Variants in COL2A1 observed in about 807,000 individuals in gnomAD.
The protein encoded by COL2A1 is collagen type II alpha 1 chain.
Under a neutral mutation model 204.5 loss-of-function variants are expected in COL2A1, and 28 were observed. That is an observed-to-expected ratio of 0.14 (90% CI 0.10 to 0.19). The LOEUF (loss-of-function observed/expected upper bound fraction) is 0.19. Ranked by LOEUF, COL2A1 falls within the 10% of genes least tolerant of loss-of-function variation. The pLI is 1.00. For missense variants in COL2A1, 1,388 were observed against 2,027.5 expected, an observed-to-expected ratio of 0.68 and a Z score of 6.06; for synonymous variants, 708 against 718.7, an observed-to-expected ratio of 0.99 and a Z score of 0.24.
chr12:47,989,662 G>A, intron 17 of COL2A1, 99 bp downstream of exon 17: 1 of 993,536 alleles, frequency 1.0e-6, no homozygotes, highest in Non-Finnish European at 1.6e-6. Flanking sequence ...TCAGAGTGCT[G>A]CTGTGGTTGC....
chr12:47,999,819 G>A (rs1464766467), intron 2 of COL2A1, 100 bp downstream of exon 2: 2 of 1,024,670 alleles, frequency 2.0e-6, no homozygotes, highest in African/African-American at 1.6e-5. Flanking sequence ...TGGATAACTA[G>A]CCCCTCTGCT....
Position 47,986,027 on chromosome 12 carries a change from G to A in COL2A1, c.1528-62C>T, listed in dbSNP as rs3829734. On this transcript the variant is annotated intron_variant, in intron 23 of 53. Coordinates refer to ENST00000380518, the MANE Select transcript of COL2A1 (RefSeq NM_001844.5). ...ACAGCCCCAACCCAGCCAGGCTCCAGTGGGTCCATCCCACTAACCCACCAA... is the reference window on the plus strand; with the variant it reads ...ACAGCCCCAACCCAGCCAGGCTCCAATGGGTCCATCCCACTAACCCACCAA... 482,478 of 1,494,046 alleles carry A rather than the reference G, an allele frequency of 0.32. 80,693 individuals are homozygous for A. Among genetic ancestry groups the A allele is most frequent in the East Asian group, 0.54 (21,733 of 40,610 alleles). The allele number at this position is 1,494,046 out of a possible 1,614,324, so 92.5% of individuals were successfully genotyped here.
In COL2A1 at chr12:47,983,422, G is replaced by A. The variant is rs779859256; in HGVS notation, c.2012C>T (p.Pro671Leu). The A allele has an allele frequency of 6.2e-7, 1 of 1,614,144 alleles. No homozygotes were observed. The highest frequency in any genetic ancestry group is 1.1e-5 in the South Asian group (1 of 91,078). The change falls in exon 31 of 54, where the codon CCT becomes CTT. Residue 671 changes from proline to leucine, a missense_variant. Physicochemically the swap from Pro to Leu is moderately conservative, Grantham distance 98 (BLOSUM62 -3). Around this residue, in one of 3 missense-constraint regions of COL2A1, gnomAD observed 884 missense variants for 1,415.8 expected, o/e 0.62. Coordinates refer to ENST00000380518, the MANE Select transcript of COL2A1 (RefSeq NM_001844.5). ...TTTTCCACCTTCACCTGGGGGACCA[G>A]GAGGGCCAGGAAGTCCCTAGAAGCC... is the stretch of plus-strand genomic sequence containing the variant. ...PSGFQGLPGPPGPPGEGGKPG... is the reference protein window; with the variant it reads ...PSGFQGLPGPLGPPGEGGKPG...
chr12:47,985,887 C>A (rs1367981982), intron 24 of COL2A1, 25 bp downstream of exon 24: 2 of 1,561,060 alleles, frequency 1.3e-6, no homozygotes, highest in Non-Finnish European at 8.7e-7. Context: ...CAGGGAGGGA[C>A]CCCAGCCCCT....
Position 47,976,241 on chromosome 12 carries a change from G to A in COL2A1, c.3490-171C>T, listed in dbSNP as rs1938700941. Among the ~76,000 whole-genome samples the A allele has an allele frequency of 6.6e-6, 1 of 152,368 alleles. No individual in the cohort carries two copies. Among genetic ancestry groups the A allele is most frequent in the Non-Finnish European group, 1.5e-5 (1 of 68,034 alleles). On this transcript the variant is annotated intron_variant, in intron 49 of 53. Transcript: ENST00000380518. The surrounding 1 kb of genome is among the most constrained non-coding windows in gnomAD (Gnocchi z 4.3). ...TCTCTATTTGGCCAAGAACCAGCAG[G>A]ATAGCTCCATGGCTTGCCTACCCTC...
At chr12:47,981,212 C>T (rs552535602) in intron 37 of COL2A1, 131 bp downstream of exon 37, 9 of 1,028,646 alleles carry the variant, frequency 8.7e-6, no homozygotes, top group East Asian at 2.6e-5. Context: ...CTAGACCCAG[C>T]GGGTAGGGAG....
rs746453469 is a variant in COL2A1 at position 47,977,371 on chromosome 12, G to T, written c.3222C>A (p.Gly1074=). The change falls in exon 46 of 54, where the codon GGC becomes GGA. Residue 1074 remains glycine (G), a synonymous_variant. Coordinates refer to ENST00000380518, the MANE Select transcript of COL2A1 (RefSeq NM_001844.5). ...VGAPGAPGPP[G]SPGPAGPTGK... Reference sequence around the variant, plus strand: ...CAGTTGGACCAGCGGGGCCAGGGGAGCCAGGGGGCCCAGGGGCTCCAGGAG... The same window carrying T: ...CAGTTGGACCAGCGGGGCCAGGGGATCCAGGGGGCCCAGGGGCTCCAGGAG... 3 of 1,613,776 alleles carry T rather than the reference G, an allele frequency of 1.9e-6. No individual in the cohort carries two copies. Among genetic ancestry groups the T allele is most frequent in the Admixed American group, 1.7e-5 (1 of 60,018 alleles).
chr12:47,989,105 G>T, intron 18 of COL2A1, 123 bp downstream of exon 18: 2 of 801,428 alleles, frequency 2.5e-6, no homozygotes, highest in Non-Finnish European at 4.3e-6. Context: ...AGTGGGTGGG[G>T]TGGTGGGGAG....
intron 1 of COL2A1, chr12:48,004,002 G>A (rs528159023): frequency 1.8e-6 from 1 of 558,376 alleles, no homozygotes; most frequent in East Asian, 3.0e-5. Context: ...GCAACGTAGG[G>A]ACCTGCAAAT....
chr12:47,989,257 G>A lies in COL2A1; in HGVS notation c.1093C>T (p.Pro365Ser). ...GCTCCAGGAGCACCAGGGAAGCCAG[G>A]ACCACCAGCAGGACCGACAGGACCC... is the stretch of plus-strand genomic sequence containing the variant. ...PPGPVGPAGG[P>S]GFPGAPGAKG... The change falls in exon 18 of 54, where the codon CCT (proline) becomes TCT (serine). Residue 365 changes from proline (P) to serine (S), a missense_variant. Physicochemically the swap from Pro to Ser is moderately conservative, Grantham distance 74. This residue lies in a region of COL2A1 where 884 missense variants were observed against 1,415.8 expected (regional missense o/e 0.62). Transcript: ENST00000380518. The A allele has an allele frequency of 6.2e-7, 1 of 1,613,102 alleles. No homozygotes were observed. Among genetic ancestry groups the A allele is most frequent in the Non-Finnish European group, 8.5e-7 (1 of 1,179,832 alleles).
At chr12:47,985,435 T>A in intron 26 of COL2A1, 99 bp downstream of exon 26, 1 of 1,232,650 alleles carries the variant, frequency 8.1e-7, no homozygotes. Flanking sequence ...AAATTCACAG[T>A]ACTTCAGGCC....
intron 47 of COL2A1, 85 bp from the exon 48 acceptor site, chr12:47,977,004 G>C: frequency 6.5e-7 from 1 of 1,537,808 alleles, no homozygotes. Context: ...AGGAATCCCC[G>C]GAAACACAGG....
chr12:47,987,820 T>G lies in COL2A1; in HGVS notation c.1123-111A>C. On this transcript the variant is annotated intron_variant, in intron 18 of 53. Transcript: ENST00000380518. This position sits in a 1 kb window ranked among gnomAD's most constrained non-coding sequence, Gnocchi z 4.1. ...CAAGCACAGCACTAAATTATGCACATGCACCCAACCCTGCACATGAACATG... is the reference window on the plus strand; with the variant it reads ...CAAGCACAGCACTAAATTATGCACAGGCACCCAACCCTGCACATGAACATG... 5.1e-6 allele frequency: 4 copies of G among 790,012 alleles called. 1 individual carries two copies. In the South Asian group the frequency reaches 5.8e-5, roughly 11 times the overall value. 48.9% of individuals were successfully genotyped at this position (790,012 alleles called of 1,614,324 possible). A position where few individuals can be genotyped will look rare whatever the true frequency, so the allele number is the denominator to read the frequency against.
intron 4 of COL2A1, 34 bp downstream of exon 4, chr12:47,998,135 G>C (rs200634895): frequency 1.2e-6 from 2 of 1,614,174 alleles, no homozygotes; most frequent in African/African-American, 1.3e-5. Flanking sequence ...TAGAGCAGCA[G>C]CTGCAATACC....
Position 47,982,877 on chromosome 12 carries a change from G to A in COL2A1, c.2164C>T (p.Pro722Ser), listed in dbSNP as rs1358219223. 2 of 1,612,670 alleles carry A rather than the reference G, an allele frequency of 1.2e-6. No individual in the cohort carries two copies. The highest frequency in any genetic ancestry group is 1.7e-5 in the Admixed American group (1 of 60,020). ...GGACCATCAGTGCCAGGAGTGCCGG[G>A]GAGGCCACGGGGACCCTGGAGGCCC... is the stretch of plus-strand genomic sequence containing the variant. ...AQGLQGPRGL[P>S]GTPGTDGPKG... The change falls in exon 33 of 54, where the codon CCC (proline) becomes TCC (serine). Residue 722 changes from proline (P) to serine (S), a missense_variant. Physicochemically the swap from Pro to Ser is moderately conservative, Grantham distance 74 (BLOSUM62 -1). Coordinates refer to ENST00000380518, the MANE Select transcript of COL2A1 (RefSeq NM_001844.5).
At chr12:47,993,930 C>G (rs894907089) in intron 13 of COL2A1, 64 bp downstream of exon 13, 1 of 1,611,380 alleles carries the variant, frequency 6.2e-7, no homozygotes, top group East Asian at 2.2e-5. Context: ...TGCACGCACC[C>G]CAAAGTGCTT....
In COL2A1 at chr12:47,997,754, A is replaced by T. The variant is rs746979697; in HGVS notation, c.430-47T>A. ...CATCAATGGGAAGCAGTGTTTCTCC[A>T]AGAGCCATCTGTCCCTTGGCTGCTC... On this transcript the variant is annotated intron_variant, in intron 6 of 53. Transcript: ENST00000380518. 3 of 1,613,792 alleles carry T rather than the reference A, an allele frequency of 1.9e-6. No individual in the cohort carries two copies. The South Asian group carries it at 3.3e-5, about 18-fold the overall frequency.
rs1939975707 is a variant in COL2A1, at chr12:47,996,617, A to G, written c.540T>C (p.Ala180=). The change falls in exon 8 of 54, where the codon GCT becomes GCC. Residue 180 remains alanine, a synonymous_variant. Transcript: ENST00000380518. ...CATCAAATCCTCCAGCCATCTGGGC[A>G]GCAAAGTTCTGCAAAGAAACCCAAC... The part of the protein sequence containing the change: ...PGPPGLGGNF[A]AQMAGGFDEK... The G allele has an allele frequency of 6.2e-7, 1 of 1,614,202 alleles. No individual in the cohort carries two copies. Among genetic ancestry groups the G allele is most frequent in the Admixed American group, 1.7e-5 (1 of 60,032 alleles).
chr12:47,987,579 AC>A lies in COL2A1; in HGVS notation c.1221+31del, dbSNP rs539799836. On this transcript the variant is annotated intron_variant, in intron 19 of 53. Coordinates refer to ENST00000380518, the MANE Select transcript of COL2A1 (RefSeq NM_001844.5). The surrounding 1 kb of genome is among the most constrained non-coding windows in gnomAD (Gnocchi z 4.1). ...AGAGTTCCAAAGCCACAGACCCCAG[AC>A]CCCCCCAGGCCAAAGAGAAGCTGCA... 2.7e-5 allele frequency: 43 copies of A among 1,567,830 alleles called. No individual in the cohort carries two copies. The highest frequency in any genetic ancestry group is 2.2e-4 in the South Asian group (19 of 88,152).
Sources: gnomAD v4.1 joint callset for allele counts (sites outside exome capture counted in the v4.1 genomes callset) on GRCh38, gnomAD v4.1.1 for gene constraint, gnomAD v4.1.1 regional missense constraint, Gnocchi (gnomAD v3.1) non-coding constraint, MANE v1.5 for transcripts, NCBI Gene and HGNC (gene_info 2026-07-23, HGNC 2026-07-21) for gene names.